Variants in ARHGEF7 observed in about 807,000 individuals in gnomAD.
The protein encoded by ARHGEF7 is PAK-interacting exchange factor beta.
A neutral mutation model predicts 109.8 loss-of-function variants in ARHGEF7; 33 were observed. That is an observed-to-expected ratio of 0.30 (90% CI 0.23 to 0.40). The LOEUF (loss-of-function observed/expected upper bound fraction) is 0.40. Among genes scored for constraint, ARHGEF7 ranks in the 10% least tolerant of loss-of-function variants. The probability of loss-of-function intolerance (pLI) is 1.00; values close to 1 mark genes in which losing one functional copy is unlikely to be tolerated. For synonymous variants in ARHGEF7, 458 were observed against 424.6 expected, an observed-to-expected ratio of 1.08 and a Z score of -0.97; for missense variants, 938 against 1,098.5, an observed-to-expected ratio of 0.85 and a Z score of 2.07.
At chr13:111,265,496 C>T (rs759583970) in intron 8 of ARHGEF7, 39 of 451,078 alleles carry the variant, frequency 8.6e-5, no homozygotes, top group South Asian at 3.3e-4. Context: ...AGTACTTAGC[C>T]GCGGAGCGGA....
chr13:111,160,289 C>G (rs1373910297), intron 2 of ARHGEF7, among the ~76,000 whole-genome samples: 2 of 151,628 alleles, frequency 1.3e-5, no homozygotes, highest in Non-Finnish European at 1.5e-5. Context: ...TAGTGTGATG[C>G]CTCCAGCTTT....
At chr13:111,292,434 A>G in intron 19 of ARHGEF7, 140 bp downstream of exon 19, 8 of 1,466,770 alleles carry the variant, frequency 5.5e-6, no homozygotes, top group South Asian at 1.4e-5. Context: ...ATATTTTAAC[A>G]ACTTTTGAGA....
At chr13:111,297,028 A>G (rs1754382418) in intron 19 of ARHGEF7, among the ~76,000 whole-genome samples, 1 of 152,242 alleles carries the variant, frequency 6.6e-6, no homozygotes, top group Admixed American at 6.5e-5. Context: ...TAGGTAACTC[A>G]GGGAATAATG....
intron 5 of ARHGEF7, among the ~76,000 whole-genome samples, chr13:111,226,476 T>C (rs1162676781): frequency 6.6e-6 from 1 of 152,226 alleles, no homozygotes; most frequent in Non-Finnish European, 1.5e-5. Flanking sequence ...TTAAGAATTA[T>C]GCTTAACCAA....
chr13:111,291,935 T>C (rs191347336), intron 18 of ARHGEF7, among the ~76,000 whole-genome samples, 183 bp from the exon 19 acceptor site: 2 of 152,354 alleles, frequency 1.3e-5, no homozygotes, highest in Admixed American at 1.3e-4. Flanking sequence ...AAGTTCGTTA[T>C]TGTGAAACCC....
At chr13:111,298,126 G>A (rs947900153) in intron 19 of ARHGEF7, among the ~76,000 whole-genome samples, 4 of 152,218 alleles carry the variant, frequency 2.6e-5, no homozygotes, top group Non-Finnish European at 4.4e-5. Flanking sequence ...TCTTTGCAGG[G>A]AAGAGTAAGT....
At chr13:111,295,718 C>T (rs2093413081) in intron 19 of ARHGEF7, among the ~76,000 whole-genome samples, 1 of 152,150 alleles carries the variant, frequency 6.6e-6, no homozygotes, top group Non-Finnish European at 1.5e-5. Context: ...AAATTAGACC[C>T]TTAGAGCCAT....
At chr13:111,181,810 T>A (rs1300685382) in intron 2 of ARHGEF7, among the ~76,000 whole-genome samples, 1 of 151,928 alleles carries the variant, frequency 6.6e-6, no homozygotes, top group Non-Finnish European at 1.5e-5. Flanking sequence ...ACATTCCAGG[T>A]GGAAACAGGA....
intron 8 of ARHGEF7, chr13:111,265,638 G>A (rs945853762): frequency 2.0e-5 from 9 of 456,616 alleles, no homozygotes; most frequent in African/African-American, 1.0e-4. Context: ...GAGCCAGAGT[G>A]TGCTGTGGTC....
chr13:111,153,714 A>T, intron 1 of ARHGEF7, 191 bp from the exon 2 acceptor site: 1 of 1,319,260 alleles, frequency 7.6e-7, no homozygotes, highest in Non-Finnish European at 9.6e-7. Flanking sequence ...CCGGAGGAAG[A>T]AAAAAGGGTG....
At chr13:111,117,525 A>T (rs376583718) in intron 1 of ARHGEF7, among the ~76,000 whole-genome samples, 1 of 152,214 alleles carries the variant, frequency 6.6e-6, no homozygotes, top group East Asian at 1.9e-4. Context: ...CGTATTGTAG[A>T]CACAGTTACT....
intron 1 of ARHGEF7, among the ~76,000 whole-genome samples, chr13:111,133,308 A>G (rs549966370): frequency 5.3e-5 from 8 of 152,146 alleles, no homozygotes; most frequent in Non-Finnish European, 1.0e-4. Context: ...ACATATGCCT[A>G]TACACATGGA....
chr13:111,214,959 G>T (rs2082934697), intron 4 of ARHGEF7, among the ~76,000 whole-genome samples: 2 of 147,662 alleles, frequency 1.4e-5, no homozygotes, highest in Non-Finnish European at 1.5e-5. Flanking sequence ...TTTTAAAAAT[G>T]TTTTTTTTTT....
intron 1 of ARHGEF7, among the ~76,000 whole-genome samples, chr13:111,146,472 CAT>C (rs2075599313): frequency 6.6e-6 from 1 of 152,220 alleles, no homozygotes; most frequent in Non-Finnish European, 1.5e-5. Flanking sequence ...CATACACACA[CAT>C]GTGCACACTG....
In ARHGEF7 at chr13:111,283,321, C is replaced by A; in HGVS notation, c.1908C>A (p.Pro636=). 1 of 1,561,846 alleles carries A rather than the reference C, an allele frequency of 6.4e-7. No individual in the cohort carries two copies. Among genetic ancestry groups the A allele is most frequent in the Non-Finnish European group, 8.6e-7 (1 of 1,157,698 alleles). The change falls in exon 16 of 22, where the codon CCC becomes CCA. Residue 636 remains proline, a synonymous_variant. Transcript: ENST00000646102. ...CCTGGAGCCTGAGCTGCCTGCGGCCCGCGCCTCCCCTCCGGCCCTCAGCTG... is the reference window on the plus strand; with the variant it reads ...CCTGGAGCCTGAGCTGCCTGCGGCCAGCGCCTCCCCTCCGGCCCTCAGCTG... The part of the protein sequence containing the change: ...PKPWSLSCLR[P]APPLRPSAAL...
chr13:111,293,239 A>G (rs2093343481), intron 19 of ARHGEF7: 11 of 985,386 alleles, frequency 1.1e-5, no homozygotes, highest in Non-Finnish European at 1.3e-5. Context: ...CTGTGGCTTC[A>G]GTTCCCCCGG....
chr13:111,159,133 C>T (rs751801142), intron 2 of ARHGEF7: 1 of 713,514 alleles, frequency 1.4e-6, no homozygotes. Flanking sequence ...TGAGATCGTG[C>T]AGTATTTGTC....
At chr13:111,140,016 C>G (rs1288913698) in intron 1 of ARHGEF7, among the ~76,000 whole-genome samples, 1 of 152,248 alleles carries the variant, frequency 6.6e-6, no homozygotes, top group African/African-American at 2.4e-5. Flanking sequence ...TCTTAAACAT[C>G]CAATTCTCAC....
At chr13:111,203,398 A>G (rs997638012) in intron 2 of ARHGEF7, among the ~76,000 whole-genome samples, 6 of 152,272 alleles carry the variant, frequency 3.9e-5, no homozygotes, top group Non-Finnish European at 8.8e-5. Context: ...ATTTCTTCTT[A>G]AATAATAAAT....
Sources: allele counts gnomAD v4.1 joint callset (sites outside exome capture counted in the v4.1 genomes callset), GRCh38; gene constraint gnomAD v4.1.1; transcripts MANE v1.5; gene names NCBI Gene and HGNC (gene_info 2026-07-23, HGNC 2026-07-21).